DNAH12: variants seen among roughly 807,000 people sequenced by gnomAD.
The protein encoded by DNAH12 is dynein axonemal heavy chain 12.
In DNAH12, 285 loss-of-function variants were observed where a neutral mutation model predicts 371.5. That is an observed-to-expected ratio of 0.77 (90% CI 0.70 to 0.85). DNAH12 has a LOEUF of 0.85. DNAH12 is among the 40% of genes least tolerant of loss of function. DNAH12 has a pLI of 0.00. For synonymous variants in DNAH12, 1,200 were observed against 1,213.0 expected (o/e 0.99, Z 0.22); for missense variants, 3,611 against 3,689.4 (o/e 0.98, Z 0.55).
intron 43 of DNAH12, among the ~76,000 whole-genome samples, chr3:57,395,304 G>A (rs1370463133): frequency 3.3e-5 from 5 of 152,048 alleles, no homozygotes; most frequent in Non-Finnish European, 7.4e-5. Flanking sequence ...CCCCGGTCCT[G>A]GAAAGCTGGT....
intron 11 of DNAH12, among the ~76,000 whole-genome samples, chr3:57,493,225 G>T (rs1362401096): frequency 1.3e-5 from 2 of 152,012 alleles, no homozygotes; most frequent in Non-Finnish European, 2.9e-5. Flanking sequence ...CTGTATCCAT[G>T]GGTTCCATAT....
chr3:57,487,835 C>T (rs1178765633), intron 12 of DNAH12, among the ~76,000 whole-genome samples: 1 of 151,050 alleles, frequency 6.6e-6, no homozygotes, highest in Admixed American at 6.6e-5. Flanking sequence ...AAAATAAATA[C>T]AAAAAAATTA....
intron 43 of DNAH12, 121 bp downstream of exon 43, chr3:57,403,188 C>G: frequency 1.0e-6 from 1 of 967,894 alleles, no homozygotes; most frequent in East Asian, 2.8e-5. Flanking sequence ...GCTCTATGGA[C>G]AGTATTAGCA....
rs913342236 is a variant in DNAH12 at position 57,369,145 on chromosome 3, G to A, written c.8760-885C>T. 1.3e-4 allele frequency among the ~76,000 whole-genome samples: 20 copies of A among 149,950 alleles called. No homozygotes were observed. In the East Asian group the frequency reaches 3.3e-3, roughly 25 times the overall value. On this transcript the variant is annotated intron_variant, in intron 55 of 73. Transcript: ENST00000495027. ...TGAGGCAGGAGAATCGCTTAAACCC[G>A]GGAGGTAGAGATTGCAGTGAGCTAA... is the stretch of plus-strand genomic sequence containing the variant.
At chr3:57,519,171 G>C (rs568146290) in intron 4 of DNAH12, among the ~76,000 whole-genome samples, 5 of 152,136 alleles carry the variant, frequency 3.3e-5, no homozygotes, top group Non-Finnish European at 5.9e-5. Context: ...CATCTTTCGC[G>C]TGCTTATTTG....
At chr3:57,462,999 A>G in intron 17 of DNAH12, 124 bp from the exon 18 acceptor site, 1 of 633,476 alleles carries the variant, frequency 1.6e-6, no homozygotes, top group Non-Finnish European at 2.6e-6. Context: ...TATTTCTATC[A>G]GTACAATCAA....
At chr3:57,548,609 G>T (rs941111149), upstream of DNAH12, among the ~76,000 whole-genome samples, 1 of 152,100 alleles carries the variant, frequency 6.6e-6, no homozygotes, top group African/African-American at 2.4e-5. Flanking sequence ...GGCAGACTGA[G>T]GGGGGAGGAT....
intron 37 of DNAH12, among the ~76,000 whole-genome samples, chr3:57,417,015 C>T (rs190089766): frequency 6.6e-6 from 1 of 152,280 alleles, no homozygotes; most frequent in African/African-American, 2.4e-5. Flanking sequence ...CTTTGGGAGG[C>T]CGAGGCAGGT....
chr3:57,419,195 G>T (rs2064487130), intron 37 of DNAH12, among the ~76,000 whole-genome samples, 172 bp downstream of exon 37: 2 of 152,196 alleles, frequency 1.3e-5, no homozygotes, highest in South Asian at 4.1e-4. Flanking sequence ...AATGGGAAAT[G>T]TGTATTCCAG....
At chr3:57,425,440 G>A (rs2064736838) in intron 34 of DNAH12, among the ~76,000 whole-genome samples, 1 of 151,320 alleles carries the variant, frequency 6.6e-6, no homozygotes, top group African/African-American at 2.4e-5. Context: ...CTCTCACTCT[G>A]TCACGCAGGC....
intron 25 of DNAH12, among the ~76,000 whole-genome samples, chr3:57,448,750 A>AGAGTGCCGATTGGTGTATTTAC (rs2065633499): frequency 8.6e-6 from 1 of 116,070 alleles, no homozygotes; most frequent in Non-Finnish European, 2.1e-5. Context: ...AGCTAGATAC[A>AGAGTGCCGATTGGTGTATTTAC]AAGCTCTCCA....
At chr3:57,498,871 T>C (rs889772765) in intron 11 of DNAH12, among the ~76,000 whole-genome samples, 3 of 151,904 alleles carry the variant, frequency 2.0e-5, no homozygotes, top group African/African-American at 4.8e-5. Flanking sequence ...TGGTGATGGG[T>C]GCCTGTAATC....
the DNAH12 span, among the ~76,000 whole-genome samples, chr3:57,554,084 T>C: frequency 6.6e-6 from 1 of 151,166 alleles, no homozygotes; most frequent in Non-Finnish European, 1.5e-5. Flanking sequence ...GAGACGGCGT[T>C]TTAACATATT....
At position 57,339,248 on chromosome 3, in the gene DNAH12, G is replaced by A. The variant is rs183427318; in HGVS notation, c.9675-4308C>T. ...AGGGACACAAACACTGCGGAAGGCC[G>A]CAGGGTCCTCTGCCTAGGAAAACCA... is the stretch of plus-strand genomic sequence containing the variant. On this transcript the variant is annotated intron_variant, in intron 60 of 73. Coordinates refer to ENST00000495027, the MANE Select transcript of DNAH12 (RefSeq NM_001366028.2). 3.7e-3 allele frequency among the ~76,000 whole-genome samples: 562 copies of A among 152,178 alleles called. 5 individuals carry two copies. Among genetic ancestry groups the A allele is most frequent in the African/African-American group, 0.013 (534 of 41,510 alleles).
Position 57,334,958 on chromosome 3 carries a change from G to T in DNAH12, c.9675-18C>A. Reference sequence around the variant, plus strand: ...TCCTTGCCCTGTATTCCCAAAATAAGGACTGTTATATAATTGTTGATTTTA... The same window carrying T: ...TCCTTGCCCTGTATTCCCAAAATAATGACTGTTATATAATTGTTGATTTTA... On this transcript the variant is annotated intron_variant, in intron 60 of 73. Coordinates refer to ENST00000495027, the MANE Select transcript of DNAH12 (RefSeq NM_001366028.2). 1 of 1,536,410 alleles carries T rather than the reference G, an allele frequency of 6.5e-7. No homozygotes were observed. Among genetic ancestry groups the T allele is most frequent in the Non-Finnish European group, 8.8e-7 (1 of 1,142,678 alleles).
chr3:57,303,738 A>G (rs2061411675), intron 69 of DNAH12, among the ~76,000 whole-genome samples: 1 of 152,138 alleles, frequency 6.6e-6, no homozygotes, highest in Admixed American at 6.5e-5. Flanking sequence ...CAATGAAATG[A>G]CAGGATTTAA....
intron 58 of DNAH12, among the ~76,000 whole-genome samples, chr3:57,360,630 T>C (rs1185630717): frequency 1.3e-5 from 2 of 152,086 alleles, no homozygotes; most frequent in Admixed American, 6.6e-5. Context: ...AAGGTTGCAA[T>C]GAGCCAAGAT....
intron 14 of DNAH12, 134 bp downstream of exon 14, chr3:57,472,412 G>T: frequency 9.1e-7 from 1 of 1,095,454 alleles, no homozygotes. Context: ...GGCCATAAGT[G>T]TGGCCAGTCT....
rs771346595 is a variant in DNAH12 at position 57,429,696 on chromosome 3, C to T, written c.5059G>A (p.Ala1687Thr). ...LIFETMDLSQ[A>T]SPATVSRCGM... ...GTATTAAATTATGAACTTACGGATG[C>T]CTGGGAAAGGTCCATTGTTTCAAAG... The change falls in exon 33 of 74, where the codon GCA becomes ACA. Residue 1687 changes from alanine (A) to threonine (T), a missense_variant. By Grantham distance (58) the Ala-to-Thr change is moderately conservative (BLOSUM62 0). Coordinates refer to ENST00000495027, the MANE Select transcript of DNAH12 (RefSeq NM_001366028.2). 19 of 1,533,282 alleles carry T rather than the reference C, an allele frequency of 1.2e-5. No homozygotes were observed. Among genetic ancestry groups the T allele is most frequent in the South Asian group, 8.9e-5 (7 of 78,706 alleles). 95.0% of individuals were successfully genotyped at this position (1,533,282 alleles called of 1,614,324 possible). A position where few individuals can be genotyped will look rare whatever the true frequency, so the allele number is the denominator to read the frequency against.
Sources: allele counts gnomAD v4.1 joint callset (sites outside exome capture counted in the v4.1 genomes callset), GRCh38; gene constraint gnomAD v4.1.1; transcripts MANE v1.5; gene names NCBI Gene and HGNC (gene_info 2026-07-23, HGNC 2026-07-21).